Variants in MALRD1 observed in about 807,000 individuals in gnomAD.
MALRD1 encodes MAM and LDL-receptor class A domain-containing protein 1.
In MALRD1, 247 loss-of-function variants were observed where a neutral mutation model predicts 242.1. The ratio of observed to expected loss-of-function variants is 1.02; its 90% CI spans 0.92 to 1.13. MALRD1 has a LOEUF of 1.13. Ranked by LOEUF, MALRD1 falls within the 50% of genes most tolerant of loss-of-function variation. The probability of loss-of-function intolerance (pLI) is 0.00; values close to 1 mark genes in which losing one functional copy is unlikely to be tolerated. For missense variants in MALRD1, 2,989 were observed against 2,533.1 expected (o/e 1.18, Z -3.86); for synonymous variants, 995 against 866.6 (o/e 1.15, Z -2.60).
At chr10:19,656,749 A>AT (rs2131722237) in intron 36 of MALRD1, among the ~76,000 whole-genome samples, 1 of 152,242 alleles carries the variant, frequency 6.6e-6, no homozygotes, top group African/African-American at 2.4e-5. Context: ...GCAGACAACC[A>AT]TTTATTCATT....
intron 21 of MALRD1, among the ~76,000 whole-genome samples, chr10:19,307,787 C>T (rs186654664): frequency 6.1e-4 from 92 of 151,670 alleles, no homozygotes; most frequent in African/African-American, 8.2e-4. Context: ...GCTGACCTTA[C>T]GCTAAAGTTG....
At chr10:19,639,852 C>G (rs146805482) in intron 36 of MALRD1, among the ~76,000 whole-genome samples, 6 of 152,042 alleles carry the variant, frequency 3.9e-5, no homozygotes, top group Non-Finnish European at 8.8e-5. Flanking sequence ...TACCATTGCC[C>G]TAAAGAGTCG....
At chr10:19,731,657 T>C (rs1157640510) in intron 39 of MALRD1, among the ~76,000 whole-genome samples, 1 of 152,190 alleles carries the variant, frequency 6.6e-6, no homozygotes, top group Non-Finnish European at 1.5e-5. Flanking sequence ...ATCTCATTCC[T>C]TTCTTTTTAT....
chr10:19,181,612 G>A (rs548762761), intron 14 of MALRD1, among the ~76,000 whole-genome samples: 102 of 152,248 alleles, frequency 6.7e-4, no homozygotes, highest in African/African-American at 2.3e-3. Context: ...GAGGAGAAAT[G>A]TGTCTAGAGA....
intron 38 of MALRD1, 42 bp from the exon 39 acceptor site, chr10:19,730,664 T>G (rs1564576048): frequency 2.0e-6 from 3 of 1,514,580 alleles, no homozygotes; most frequent in Non-Finnish European, 1.8e-6. Context: ...CTATGGTAAA[T>G]GTCAATAGTT....
At chr10:19,622,916 A>C (rs1181541033) in intron 36 of MALRD1, among the ~76,000 whole-genome samples, 1 of 152,010 alleles carries the variant, frequency 6.6e-6, no homozygotes, top group East Asian at 1.9e-4. Context: ...ACAAAGATGA[A>C]CTTTTTAAAA....
At chr10:19,657,409 C>T (rs1178645777) in intron 36 of MALRD1, among the ~76,000 whole-genome samples, 1 of 152,126 alleles carries the variant, frequency 6.6e-6, no homozygotes, top group African/African-American at 2.4e-5. Context: ...AGGAAGAACA[C>T]ACTCCAGCCC....
At chr10:19,105,357 A>C (rs78020972) in intron 5 of MALRD1, among the ~76,000 whole-genome samples, 1,889 of 152,096 alleles carry the variant, frequency 0.012, 26 homozygotes, top group Non-Finnish European at 0.018. Flanking sequence ...TTTTATAGTT[A>C]AATAAAAAAG....
intron 29 of MALRD1, among the ~76,000 whole-genome samples, chr10:19,469,688 C>T (rs1052057478): frequency 2.0e-5 from 3 of 152,062 alleles, no homozygotes; most frequent in African/African-American, 7.2e-5. Flanking sequence ...TTGCATTGTC[C>T]TGCAGGTGTT....
intron 24 of MALRD1, among the ~76,000 whole-genome samples, chr10:19,341,455 T>C (rs182719606): frequency 2.6e-4 from 32 of 121,168 alleles, no homozygotes; most frequent in Non-Finnish European, 3.4e-4. Context: ...TATATATGTG[T>C]ATATATATGT....
intron 33 of MALRD1, among the ~76,000 whole-genome samples, chr10:19,568,641 C>A (rs1836363681): frequency 6.6e-6 from 1 of 151,960 alleles, no homozygotes; most frequent in Admixed American, 6.6e-5. Flanking sequence ...ACTTTCTCAT[C>A]TTCATTACTC....
intron 33 of MALRD1, among the ~76,000 whole-genome samples, chr10:19,584,866 C>T (rs982982304): frequency 6.6e-6 from 1 of 151,630 alleles, no homozygotes; most frequent in African/African-American, 2.4e-5. Context: ...GTCTAAGTCT[C>T]TTTGTAGGTC....
At chr10:19,450,882 T>A (rs536522409) in intron 29 of MALRD1, among the ~76,000 whole-genome samples, 1 of 152,074 alleles carries the variant, frequency 6.6e-6, no homozygotes, top group Non-Finnish European at 1.5e-5. Context: ...TAAAATGAGC[T>A]CCCTTGGGCC....
At chr10:19,176,556 A>G (rs973369210) in intron 14 of MALRD1, among the ~76,000 whole-genome samples, 3 of 149,344 alleles carry the variant, frequency 2.0e-5, no homozygotes, top group Admixed American at 6.7e-5. Context: ...TTGTATTTTT[A>G]GTAGAGACGG....
At chr10:19,146,975 C>G (rs1407656073) in intron 11 of MALRD1, among the ~76,000 whole-genome samples, 1 of 152,128 alleles carries the variant, frequency 6.6e-6, no homozygotes, top group African/African-American at 2.4e-5. Flanking sequence ...CATTTGTCAT[C>G]GGATGTCATT....
chr10:19,343,339 A>G (rs1344133081), intron 24 of MALRD1, among the ~76,000 whole-genome samples: 1 of 152,106 alleles, frequency 6.6e-6, no homozygotes, highest in African/African-American at 2.4e-5. Context: ...TTACCTAACT[A>G]TGGTCCAGTA....
intron 18 of MALRD1, among the ~76,000 whole-genome samples, chr10:19,244,299 G>T (rs778168478): frequency 6.6e-6 from 1 of 152,110 alleles, no homozygotes; most frequent in African/African-American, 2.4e-5. Flanking sequence ...GTTGCTGGGC[G>T]TAGTGGCTGT....
intron 36 of MALRD1, among the ~76,000 whole-genome samples, chr10:19,632,644 AT>A (rs899820261): frequency 4.6e-5 from 7 of 152,080 alleles, no homozygotes; most frequent in Non-Finnish European, 1.0e-4. Context: ...AAACAAATCT[AT>A]GTTTCTCCCA....
At position 19,204,323 on chromosome 10, in the gene MALRD1, T is replaced by C; in HGVS notation, c.2120T>C (p.Ile707Thr). ...LNASQGHFMF[I>T]LKKSSSLWQV... ...ATCTCAACAGGGCATTTTATGTTCA[T>C]TCTGAAGAAAAGCAGCAGCTTGTGG... Residue 707 changes from isoleucine to threonine, a missense_variant, in exon 16 of 40, where the codon ATT (isoleucine) becomes ACT (threonine). Coordinates refer to ENST00000454679, the MANE Select transcript of MALRD1 (RefSeq NM_001142308.3). The C allele has an allele frequency of 6.6e-7, 1 of 1,525,372 alleles. No individual in the cohort carries two copies. Among genetic ancestry groups the C allele is most frequent in the South Asian group, 1.2e-5 (1 of 82,282 alleles). 94.5% of individuals were successfully genotyped at this position (1,525,372 alleles called of 1,614,324 possible).
Sources: gnomAD v4.1 joint callset for allele counts (sites outside exome capture counted in the v4.1 genomes callset) on GRCh38, gnomAD v4.1.1 for gene constraint, MANE v1.5 for transcripts, NCBI Gene and HGNC (gene_info 2026-07-23, HGNC 2026-07-21) for gene names.